Variants in USP33 observed in about 807,000 individuals in gnomAD.
The protein encoded by USP33 is ubiquitin specific peptidase 33.
USP33 carries 46 observed loss-of-function variants against 124.2 expected under a neutral mutation model. That is an observed-to-expected ratio of 0.37 (90% CI 0.29 to 0.47). USP33 has a LOEUF of 0.47. Among genes scored for constraint, USP33 ranks in the 20% least tolerant of loss-of-function variants. The probability of loss-of-function intolerance (pLI) is 0.99; values close to 1 mark genes in which losing one functional copy is unlikely to be tolerated. For missense variants in USP33, 851 were observed against 1,070.6 expected, an observed-to-expected ratio of 0.79 and a Z score of 2.86; for synonymous variants, 350 against 352.3, an observed-to-expected ratio of 0.99 and a Z score of 0.07.
chr1:77,743,985 G>A (rs1018754589), intron 1 of USP33, among the ~76,000 whole-genome samples: 5 of 151,994 alleles, frequency 3.3e-5, no homozygotes, highest in Non-Finnish European at 7.4e-5. Flanking sequence ...TTAGCTGGGC[G>A]TGGTGGTGTG....
At position 77,759,743 on chromosome 1, in the gene USP33, C is replaced by A. The variant is rs187708997; in HGVS notation, c.-152G>T. 2.5e-6 allele frequency: 1 copy of A among 398,004 alleles called. No homozygotes were observed. Among genetic ancestry groups the A allele is most frequent in the Non-Finnish European group, 4.4e-6 (1 of 225,692 alleles). 24.7% of individuals were successfully genotyped at this position (398,004 alleles called of 1,614,324 possible). On this transcript the variant is annotated 5_prime_UTR_variant, in exon 1 of 24. Coordinates refer to ENST00000370794, the MANE Select transcript of USP33 (RefSeq NM_201624.3). ...TTCCTTCTCAGCTCTCGGAGAGGGG[C>A]AGTGTCGCGTCAGGAGGGCCGGAAA...
At position 77,728,582 on chromosome 1, in the gene USP33, G is replaced by C. The variant is rs753514995; in HGVS notation, c.848C>G (p.Ser283Trp). 1.1e-5 allele frequency: 17 copies of C among 1,614,030 alleles called. No homozygotes were observed. Among genetic ancestry groups the C allele is most frequent in the Non-Finnish European group, 1.4e-5 (16 of 1,179,990 alleles). Residue 283 changes from serine (S) to tryptophan (W), a missense_variant, in exon 10 of 24, where the codon TCG becomes TGG. This residue lies in a region of USP33 where 207 missense variants were observed against 200.9 expected (regional missense o/e 1.03). Coordinates refer to ENST00000370794, the MANE Select transcript of USP33 (RefSeq NM_201624.3). ...TTCACAAGACTGAAAATCTACATCC[G>C]ACTGGCTCTTGTCTTCTTCCATTGT... ...EETMEEDKSQ[S>W]DVDFQSCESC...
At chr1:77,708,830 A>G (rs1173939223) in intron 21 of USP33, among the ~76,000 whole-genome samples, 1 of 152,040 alleles carries the variant, frequency 6.6e-6, no homozygotes, top group South Asian at 2.1e-4. Context: ...CTATTCTGGC[A>G]CATAATTTTG....
intron 4 of USP33, among the ~76,000 whole-genome samples, chr1:77,739,656 C>T (rs1213788065): frequency 6.6e-6 from 1 of 152,162 alleles, no homozygotes; most frequent in Non-Finnish European, 1.5e-5. Flanking sequence ...ATTCATTATA[C>T]AAAAAGATAA....
chr1:77,741,295 C>T, intron 3 of USP33, 81 bp downstream of exon 3: 1 of 1,389,634 alleles, frequency 7.2e-7, no homozygotes, highest in Non-Finnish European at 9.7e-7. Flanking sequence ...CTTTAAGTAT[C>T]AAAAATTTTC....
At chr1:77,742,905 T>C (rs1028403867) in intron 1 of USP33, among the ~76,000 whole-genome samples, 2 of 151,284 alleles carry the variant, frequency 1.3e-5, no homozygotes, top group Admixed American at 1.3e-4. Context: ...AGAGTGTCTG[T>C]CTGCCTTTTA....
chr1:77,733,764 C>T (rs1193696953), intron 7 of USP33, among the ~76,000 whole-genome samples: 2 of 152,152 alleles, frequency 1.3e-5, no homozygotes, highest in African/African-American at 4.8e-5. Context: ...ACTTCTGATT[C>T]CCAGCATTTC....
At chr1:77,697,827 C>T (rs1358017950) in intron 23 of USP33, 36 bp downstream of exon 23, 2 of 1,554,150 alleles carry the variant, frequency 1.3e-6, no homozygotes, top group Admixed American at 3.8e-5. Flanking sequence ...TGACAAATCA[C>T]TCACAAGTAA....
At chr1:77,720,231 G>T in intron 15 of USP33, 1 of 505,204 alleles carries the variant, frequency 2.0e-6, no homozygotes, top group Non-Finnish European at 2.5e-6. Flanking sequence ...GATAAAGGAT[G>T]GTTATTATTA....
intron 3 of USP33, 51 bp from the exon 4 acceptor site, chr1:77,740,990 T>C (rs1184014783): frequency 6.5e-6 from 8 of 1,232,388 alleles, no homozygotes; most frequent in Non-Finnish European, 9.0e-6. Flanking sequence ...AATATACATG[T>C]AAATTTATAA....
intron 18 of USP33, among the ~76,000 whole-genome samples, chr1:77,715,299 C>T (rs890537384): frequency 6.6e-6 from 1 of 152,064 alleles, no homozygotes; most frequent in African/African-American, 2.4e-5. Flanking sequence ...CCCCACCCGC[C>T]GGGTTCAAGC....
intron 10 of USP33, 56 bp downstream of exon 10, chr1:77,728,239 C>T (rs189248184): frequency 6.8e-7 from 1 of 1,479,942 alleles, no homozygotes. Context: ...TATTTAAACA[C>T]CCATGTCTAC....
intron 21 of USP33, among the ~76,000 whole-genome samples, chr1:77,710,696 T>C (rs1362132524): frequency 2.0e-5 from 3 of 152,196 alleles, no homozygotes; most frequent in Non-Finnish European, 4.4e-5. Context: ...CAAAACATAC[T>C]GGACATCTTA....
chr1:77,715,874 T>G lies in USP33; in HGVS notation c.1919-6A>C, dbSNP rs193125827. 6.2e-7 allele frequency: 1 copy of G among 1,608,308 alleles called. No individual in the cohort carries two copies. Among genetic ancestry groups the G allele is most frequent in the Non-Finnish European group, 8.5e-7 (1 of 1,178,432 alleles). The stretch of plus-strand genomic sequence containing the variant: ...GTAGGCTATATAGTGTCCACCTGAA[T>G]TTGAGGGAAAAGAAATCATTACAGT... On this transcript the variant is annotated splice_polypyrimidine_tract_variant and splice_region_variant and intron_variant, in intron 17 of 23. Coordinates refer to ENST00000370794, the MANE Select transcript of USP33 (RefSeq NM_201624.3).
At chr1:77,739,526 A>G (rs1310220490) in intron 4 of USP33, 109 bp from the exon 5 acceptor site, 1 of 1,034,320 alleles carries the variant, frequency 9.7e-7, no homozygotes, top group Non-Finnish European at 1.3e-6. Context: ...ATGAGTAACA[A>G]TATACTCAAA....
rs537654519 is a variant in USP33, at chr1:77,715,875, T to C, written c.1919-7A>G. ...TAGGCTATATAGTGTCCACCTGAAT[T>C]TGAGGGAAAAGAAATCATTACAGTA... On this transcript the variant is annotated splice_polypyrimidine_tract_variant and splice_region_variant and intron_variant, in intron 17 of 23. Transcript: ENST00000370794. 2 of 1,608,648 alleles carry C rather than the reference T, an allele frequency of 1.2e-6. No homozygotes were observed. Among genetic ancestry groups the C allele is most frequent in the Non-Finnish European group, 1.7e-6 (2 of 1,178,522 alleles).
intron 3 of USP33, 98 bp from the exon 4 acceptor site, chr1:77,741,037 A>G (rs930133001): frequency 3.5e-6 from 3 of 852,706 alleles, no homozygotes; most frequent in South Asian, 2.0e-5. Context: ...AGTTTGGATT[A>G]CCTGTTTTAC....
intron 22 of USP33, 63 bp from the exon 23 acceptor site, chr1:77,697,994 G>T: frequency 1.4e-6 from 2 of 1,412,478 alleles, no homozygotes; most frequent in Non-Finnish European, 2.0e-6. Flanking sequence ...GCATAATTTT[G>T]TGCTTGACAA....
intron 18 of USP33, among the ~76,000 whole-genome samples, chr1:77,715,296 C>T (rs1372950837): frequency 6.6e-6 from 1 of 151,998 alleles, no homozygotes; most frequent in Non-Finnish European, 1.5e-5. Context: ...AACCCCCACC[C>T]GCCGGGTTCA....
Sources: gnomAD v4.1 joint callset for allele counts (sites outside exome capture counted in the v4.1 genomes callset) on GRCh38, gnomAD v4.1.1 for gene constraint, gnomAD v4.1.1 regional missense constraint, MANE v1.5 for transcripts, NCBI Gene and HGNC (gene_info 2026-07-23, HGNC 2026-07-21) for gene names.